The following EHBP1 variants were observed in gnomAD, a reference collection of about 807,000 sequenced individuals.
The protein encoded by EHBP1 is EH domain-binding protein 1.
Under a neutral mutation model 144.0 loss-of-function variants are expected in EHBP1, and 55 were observed. That is an observed-to-expected ratio of 0.38 (90% CI 0.31 to 0.48). The LOEUF is 0.48. Ranked by LOEUF, EHBP1 falls within the 20% of genes least tolerant of loss-of-function variation. EHBP1 has a pLI of 0.98. For synonymous variants in EHBP1, 469 were observed against 472.7 expected (o/e 0.99, Z 0.10); for missense variants, 1,200 against 1,364.2 (o/e 0.88, Z 1.90).
rs2061959002 is a variant in EHBP1 at position 63,046,454 on chromosome 2, T to A, written c.*954T>A. On this transcript the variant is annotated 3_prime_UTR_variant, in exon 23 of 23. Transcript: ENST00000431489. ...ATTACAATACTGAGTCATATATAAA[T>A]TTTCAATAAAAGCAGAAACTTTCTT... The A allele has an allele frequency of 6.6e-6, 1 of 152,630 alleles. No individual in the cohort carries two copies. The highest frequency in any genetic ancestry group is 2.4e-5 in the African/African-American group (1 of 41,452). The allele number at this position is 152,630 out of a possible 1,614,324, so 9.5% of individuals were successfully genotyped here.
intron 4 of EHBP1, among the ~76,000 whole-genome samples, chr2:62,768,241 T>G (rs2152340640): frequency 6.6e-6 from 1 of 152,272 alleles, no homozygotes; most frequent in East Asian, 1.9e-4. Context: ...GAAGTTGGTT[T>G]TTTGAAAAAA....
At chr2:62,733,252 T>C (rs752126987) in intron 2 of EHBP1, among the ~76,000 whole-genome samples, 1 of 152,224 alleles carries the variant, frequency 6.6e-6, no homozygotes, top group Non-Finnish European at 1.5e-5. Flanking sequence ...GGAGTTGGGC[T>C]CTGTTTACTG....
At chr2:62,863,104 G>A (rs536938191) in intron 8 of EHBP1, among the ~76,000 whole-genome samples, 2 of 150,880 alleles carry the variant, frequency 1.3e-5, no homozygotes, top group African/African-American at 4.9e-5. Context: ...CCAACATGGT[G>A]AAACCCTGTC....
At chr2:62,876,742 C>A (rs2050916803) in intron 10 of EHBP1, among the ~76,000 whole-genome samples, 1 of 152,104 alleles carries the variant, frequency 6.6e-6, no homozygotes, top group Non-Finnish European at 1.5e-5. Context: ...AGAAGGAATA[C>A]ACAAATTCAA....
chr2:63,025,984 G>A (rs1044686139), intron 19 of EHBP1, among the ~76,000 whole-genome samples: 1 of 152,226 alleles, frequency 6.6e-6, no homozygotes, highest in African/African-American at 2.4e-5. Flanking sequence ...GTAATGCGTA[G>A]TTGATGGGTT....
chr2:62,951,510 A>C (rs1441843102), intron 13 of EHBP1, among the ~76,000 whole-genome samples: 2 of 137,348 alleles, frequency 1.5e-5, no homozygotes, highest in Non-Finnish European at 3.1e-5. Flanking sequence ...CATATTCAAT[A>C]CAAATTTTTC....
intron 10 of EHBP1, 120 bp from the exon 11 acceptor site, chr2:62,942,598 C>G: frequency 1.3e-6 from 1 of 763,694 alleles, no homozygotes; most frequent in Non-Finnish European, 1.9e-6. Flanking sequence ...CGTGAATTGA[C>G]AGTTGTGAAG....
At chr2:62,736,380 T>C (rs1259829093) in intron 2 of EHBP1, among the ~76,000 whole-genome samples, 1 of 151,880 alleles carries the variant, frequency 6.6e-6, no homozygotes, top group Non-Finnish European at 1.5e-5. Flanking sequence ...TGCACCACCA[T>C]ACCCGGCTAA....
rs201752444 is a variant in EHBP1, at chr2:62,979,293, A to G, written c.2566A>G (p.Met856Val). ...GTCAGAACTTCCCAGCTATGGTGAA[A>G]TGGCTGCAGAAAAGTTGAAAGAAAG... is the stretch of plus-strand genomic sequence containing the variant. ...KMSELPSYGE[M>V]AAEKLKERSK... The change falls in exon 15 of 23, where the codon ATG becomes GTG. Residue 856 changes from methionine (M) to valine (V), a missense_variant. Transcript: ENST00000431489. 8.1e-5 allele frequency: 131 copies of G among 1,613,832 alleles called. No individual in the cohort carries two copies. Among genetic ancestry groups the G allele is most frequent in the Non-Finnish European group, 1.1e-4 (128 of 1,179,916 alleles).
intron 10 of EHBP1, among the ~76,000 whole-genome samples, chr2:62,910,775 G>A (rs1333020145): frequency 6.6e-6 from 1 of 152,110 alleles, no homozygotes; most frequent in Non-Finnish European, 1.5e-5. Context: ...TAGCTGCAAG[G>A]TCCTGCCCTA....
chr2:62,805,566 G>A (rs1238621140), intron 5 of EHBP1, among the ~76,000 whole-genome samples: 2 of 151,312 alleles, frequency 1.3e-5, no homozygotes, highest in Non-Finnish European at 2.9e-5. Flanking sequence ...CTAGGATGGA[G>A]TATAGTGGCG....
At chr2:62,717,833 A>C (rs1287921260) in intron 2 of EHBP1, among the ~76,000 whole-genome samples, 2 of 152,164 alleles carry the variant, frequency 1.3e-5, no homozygotes, top group Non-Finnish European at 2.9e-5. Flanking sequence ...ATGTTGACTA[A>C]TTTAGGGATA....
intron 7 of EHBP1, among the ~76,000 whole-genome samples, chr2:62,834,332 A>G (rs940982153): frequency 1.1e-4 from 16 of 152,360 alleles, no homozygotes; most frequent in African/African-American, 3.4e-4. Context: ...TAATGAAAGG[A>G]GGATTCAATT....
chr2:63,038,075 A>G (rs139490407), intron 20 of EHBP1, among the ~76,000 whole-genome samples: 439 of 152,306 alleles, frequency 2.9e-3, no homozygotes, highest in Admixed American at 5.2e-3. Context: ...TACTAAAACA[A>G]AAGTGACCTT....
chr2:62,740,037 T>A (rs1389666763), intron 2 of EHBP1, among the ~76,000 whole-genome samples: 2 of 152,108 alleles, frequency 1.3e-5, no homozygotes, highest in African/African-American at 4.8e-5. Context: ...AAGTACACTC[T>A]GCTGTAATAT....
At chr2:62,867,868 C>A (rs1036605168) in intron 9 of EHBP1, among the ~76,000 whole-genome samples, 1 of 152,042 alleles carries the variant, frequency 6.6e-6, no homozygotes, top group African/African-American at 2.4e-5. Flanking sequence ...GGAAGAGAGC[C>A]TGGAATTAGA....
At chr2:62,945,941 G>T (rs1221119149) in intron 12 of EHBP1, among the ~76,000 whole-genome samples, 1 of 152,126 alleles carries the variant, frequency 6.6e-6, no homozygotes, top group Non-Finnish European at 1.5e-5. Context: ...CTGTTCTCAT[G>T]AATTAATTCT....
intron 10 of EHBP1, among the ~76,000 whole-genome samples, chr2:62,929,400 C>T (rs1047555607): frequency 1.3e-5 from 2 of 152,094 alleles, no homozygotes; most frequent in African/African-American, 4.8e-5. Context: ...GGATTTATGC[C>T]TGGAGTGCAA....
intron 3 of EHBP1, among the ~76,000 whole-genome samples, chr2:62,754,944 G>T (rs1264558473): frequency 6.6e-6 from 1 of 152,180 alleles, no homozygotes; most frequent in Non-Finnish European, 1.5e-5. Context: ...CCCGGGTGAG[G>T]CAATGCCTTG....
Sources: allele counts gnomAD v4.1 joint callset (sites outside exome capture counted in the v4.1 genomes callset), GRCh38; gene constraint gnomAD v4.1.1; transcripts MANE v1.5; gene names NCBI Gene and HGNC (gene_info 2026-07-23, HGNC 2026-07-21).